The following FAM178B variants were observed in gnomAD, a reference collection of about 807,000 sequenced individuals.
FAM178B encodes protein FAM178B.
A neutral mutation model predicts 91.7 loss-of-function variants in FAM178B; 82 were observed. The observed-to-expected ratio is 0.89, with a 90% confidence interval of 0.75 to 1.07. The LOEUF (loss-of-function observed/expected upper bound fraction) is 1.07, where lower values mean the gene tolerates loss of function less well. Ranked by LOEUF, FAM178B falls within the 50% of genes least tolerant of loss-of-function variation. The pLI is 0.00. For missense variants in FAM178B, 769 were observed against 846.7 expected, an observed-to-expected ratio of 0.91 and a Z score of 1.14; for synonymous variants, 368 against 359.4, an observed-to-expected ratio of 1.02 and a Z score of -0.27.
chr2:96,957,050 A>C (rs924160288), intron 6 of FAM178B, among the ~76,000 whole-genome samples: 1 of 151,360 alleles, frequency 6.6e-6, no homozygotes, highest in African/African-American at 2.4e-5. Context: ...TTTTGGGTTG[A>C]GACGGGGTTT....
chr2:96,934,615 A>G (rs1574271419), intron 8 of FAM178B, among the ~76,000 whole-genome samples: 1 of 152,204 alleles, frequency 6.6e-6, no homozygotes. Flanking sequence ...TAAGCACAGG[A>G]TGCAGGCAGA....
intron 9 of FAM178B, among the ~76,000 whole-genome samples, chr2:96,924,677 A>T (rs2081405195): frequency 6.6e-6 from 1 of 152,168 alleles, no homozygotes; most frequent in Admixed American, 6.5e-5. Context: ...TACATTGTTG[A>T]TTTCAAGTAT....
At chr2:96,949,705 G>C (rs961399603) in intron 7 of FAM178B, among the ~76,000 whole-genome samples, 1 of 152,218 alleles carries the variant, frequency 6.6e-6, no homozygotes, top group Non-Finnish European at 1.5e-5. Flanking sequence ...CCCTTTCATG[G>C]ATCTGGATTC....
At chr2:96,899,588 G>A (rs960945749) in intron 13 of FAM178B, among the ~76,000 whole-genome samples, 2 of 151,764 alleles carry the variant, frequency 1.3e-5, no homozygotes, top group South Asian at 2.1e-4. Context: ...AAAAAAAAGC[G>A]GGTCTTGCTC....
chr2:96,961,905 C>T (rs1466881092), intron 5 of FAM178B, among the ~76,000 whole-genome samples: 1 of 152,216 alleles, frequency 6.6e-6, no homozygotes, highest in East Asian at 1.9e-4. Context: ...CTTCAGGAAG[C>T]ATCTCACCAA....
Position 96,971,972 on chromosome 2 carries a change from T to C in FAM178B, c.493A>G (p.Arg165Gly). The C allele has an allele frequency of 6.4e-7, 1 of 1,561,996 alleles. No individual in the cohort carries two copies. Among genetic ancestry groups the C allele is most frequent in the South Asian group, 1.2e-5 (1 of 84,498 alleles). Residue 165 changes from arginine to glycine, a missense_variant, in exon 3 of 17, where the codon AGG becomes GGG. Arg to Gly is a moderately radical substitution (Grantham distance 125). Transcript: ENST00000490605. The part of the protein sequence containing the change: ...EQEHLDLDPK[R>G]GLALPEKLFW... ...AGCTTCTCTGGCAAGGCCAGGCCCC[T>C]CTTCGGGTCCAAGTCCAGGTGTTCC...
At chr2:96,963,383 G>A (rs867342181) in intron 5 of FAM178B, among the ~76,000 whole-genome samples, 1 of 152,198 alleles carries the variant, frequency 6.6e-6, no homozygotes, top group Non-Finnish European at 1.5e-5. Context: ...TGCTCTTGCC[G>A]AGGAAGGCCT....
intron 8 of FAM178B, among the ~76,000 whole-genome samples, chr2:96,942,554 G>A (rs567286601): frequency 1.3e-5 from 2 of 152,194 alleles, no homozygotes; most frequent in Admixed American, 6.5e-5. Context: ...CACCATGCCC[G>A]GCTAATTTTT....
At chr2:96,919,925 C>A (rs191035584) in intron 12 of FAM178B, among the ~76,000 whole-genome samples, 1 of 152,320 alleles carries the variant, frequency 6.6e-6, no homozygotes, top group African/African-American at 2.4e-5. Flanking sequence ...ACAAGCAGAG[C>A]CTCTACCAGG....
chr2:96,906,204 CTT>C (rs779631865), intron 12 of FAM178B, among the ~76,000 whole-genome samples: 10 of 132,870 alleles, frequency 7.5e-5, no homozygotes, highest in Non-Finnish European at 6.4e-5. Flanking sequence ...CTTTTTCTTT[CTT>C]TTTTTTTTTT....
chr2:96,944,239 C>T (rs1246749261), intron 8 of FAM178B, among the ~76,000 whole-genome samples: 4 of 102,294 alleles, frequency 3.9e-5, no homozygotes, highest in African/African-American at 2.1e-4. Context: ...AAGACTCCAT[C>T]TCAAAAAAAA....
At chr2:96,979,487 C>T (rs2082334424) in intron 1 of FAM178B, among the ~76,000 whole-genome samples, 1 of 152,112 alleles carries the variant, frequency 6.6e-6, no homozygotes, top group Admixed American at 6.6e-5. Flanking sequence ...CAGGCATGAG[C>T]CACTGCACCC....
intron 1 of FAM178B, among the ~76,000 whole-genome samples, chr2:96,975,108 A>AG (rs1435673352): frequency 2.0e-5 from 3 of 150,792 alleles, no homozygotes; most frequent in African/African-American, 4.9e-5. Context: ...AAAAAAAAAA[A>AG]AAAAAAAAAA....
intron 8 of FAM178B, among the ~76,000 whole-genome samples, chr2:96,931,744 A>G (rs1054680715): frequency 1.3e-5 from 2 of 152,214 alleles, no homozygotes; most frequent in African/African-American, 4.8e-5. Flanking sequence ...AACCTGCCCA[A>G]GGACATTTCT....
chr2:96,927,708 A>G (rs928361096), intron 9 of FAM178B, among the ~76,000 whole-genome samples: 11 of 152,214 alleles, frequency 7.2e-5, no homozygotes, highest in East Asian at 1.9e-4. Flanking sequence ...CCGCAGTCAA[A>G]TCCTGGGAGA....
chr2:96,886,717 T>C (rs956622860), intron 14 of FAM178B, among the ~76,000 whole-genome samples: 10 of 152,196 alleles, frequency 6.6e-5, no homozygotes, highest in Admixed American at 3.3e-4. Flanking sequence ...GAGAAGGCCA[T>C]GGTCGGCCTG....
chr2:96,986,255 C>T lies in FAM178B; in HGVS notation c.59G>A (p.Arg20Gln), dbSNP rs1027565687. 6.5e-7 allele frequency: 1 copy of T among 1,534,572 alleles called. No homozygotes were observed. Among genetic ancestry groups the T allele is most frequent in the Non-Finnish European group, 8.7e-7 (1 of 1,146,796 alleles). Residue 20 changes from arginine to glutamine, a missense_variant, in exon 1 of 17, where the codon CGG becomes CAG. Arg to Gln is a conservative substitution (Grantham distance 43). Coordinates refer to ENST00000490605, the MANE Select transcript of FAM178B (RefSeq NM_001122646.3). ...LAPQLRRQDQ[R>Q]LHFTGQMSHG... ...AGTTTCCTTACCTGTAAAATGGAGCCGCTGATCCTGCCTCCTGAGTTGTGG... is the reference window on the plus strand; with the variant it reads ...AGTTTCCTTACCTGTAAAATGGAGCTGCTGATCCTGCCTCCTGAGTTGTGG...
chr2:96,896,704 A>C (rs1574209418), intron 13 of FAM178B, among the ~76,000 whole-genome samples: 1 of 152,304 alleles, frequency 6.6e-6, no homozygotes, highest in East Asian at 1.9e-4. Flanking sequence ...CAGGAAGCCA[A>C]GATCTTAAGT....
Position 96,910,284 on chromosome 2 carries a change from C to G in FAM178B, c.1563-7577G>C, listed in dbSNP as rs184850070. Among the ~76,000 whole-genome samples the G allele has an allele frequency of 2.0e-5, 3 of 152,156 alleles. No individual in the cohort carries two copies. The East Asian group carries it at 5.8e-4, about 29-fold the overall frequency. ...GCCTCCAAAAGTCCCCATGGAGCCA[C>G]GGCCCCAACTTCATGTCTCCCAGGA... is the stretch of plus-strand genomic sequence containing the variant. On this transcript the variant is annotated intron_variant, in intron 12 of 16. Coordinates refer to ENST00000490605, the MANE Select transcript of FAM178B (RefSeq NM_001122646.3).
Sources: allele counts gnomAD v4.1 joint callset (sites outside exome capture counted in the v4.1 genomes callset), GRCh38; gene constraint gnomAD v4.1.1; transcripts MANE v1.5; gene names NCBI Gene and HGNC (gene_info 2026-07-23, HGNC 2026-07-21).